The following PTPN3 variants were observed in gnomAD, a reference collection of about 807,000 sequenced individuals.
The protein encoded by PTPN3 is protein tyrosine phosphatase non-receptor type 3.
Under a neutral mutation model 132.7 loss-of-function variants are expected in PTPN3, and 96 were observed. The observed-to-expected ratio is 0.72, with a 90% CI of 0.61 to 0.86. The LOEUF is 0.86. Among genes scored for constraint, PTPN3 ranks in the 40% least tolerant of loss-of-function variants. PTPN3 has a pLI of 0.00. For missense variants in PTPN3, 1,125 were observed against 1,159.6 expected, an observed-to-expected ratio of 0.97 and a Z score of 0.43; for synonymous variants, 398 against 429.0, an observed-to-expected ratio of 0.93 and a Z score of 0.89.
At chr9:109,476,574 C>G (rs1259945635) in intron 1 of PTPN3, among the ~76,000 whole-genome samples, 1 of 152,102 alleles carries the variant, frequency 6.6e-6, no homozygotes, top group Non-Finnish European at 1.5e-5. Flanking sequence ...GTGACTGGAC[C>G]AAGAAGATCT....
At chr9:109,512,326 C>T in the PTPN3 span, among the ~76,000 whole-genome samples, 1 of 152,138 alleles carries the variant, frequency 6.6e-6, no homozygotes, top group African/African-American at 2.4e-5. Flanking sequence ...TGCAGCTGGT[C>T]CACAGATTGG....
intron 1 of PTPN3, among the ~76,000 whole-genome samples, chr9:109,467,872 T>C (rs1846177059): frequency 6.6e-6 from 1 of 152,154 alleles, no homozygotes; most frequent in African/African-American, 2.4e-5. Context: ...AGACTTCCCT[T>C]TCTCACACCC....
At position 109,438,231 on chromosome 9, in the gene PTPN3, T is replaced by C. The variant is rs1844200169; in HGVS notation, c.470A>G (p.His157Arg). ...VVLASYAVQS[H>R]FGDYNSSIHH... is the part of the protein sequence containing the mutation. ...TATGGAAGAATTATAGTCTCCAAAA[T>C]GAGCTATCAAGACAGAAGAAGGGGA... The change falls in exon 8 of 26, where the codon CAT becomes CGT. Residue 157 changes from histidine to arginine, a missense_variant. Coordinates refer to ENST00000374541, the MANE Select transcript of PTPN3 (RefSeq NM_002829.4). 1.9e-6 allele frequency: 3 copies of C among 1,612,282 alleles called. No homozygotes were observed. The highest frequency in any genetic ancestry group is 1.3e-5 in the African/African-American group (1 of 74,992).
chr9:109,532,569 GA>G, the PTPN3 span, among the ~76,000 whole-genome samples: 1 of 141,574 alleles, frequency 7.1e-6, no homozygotes, highest in African/African-American at 2.6e-5. Context: ...GGCGTATTGT[GA>G]AAAAAACAGG....
chr9:109,506,923 G>A, the PTPN3 span, among the ~76,000 whole-genome samples: 1 of 152,154 alleles, frequency 6.6e-6, no homozygotes, highest in African/African-American at 2.4e-5. Context: ...ACCATGTGAT[G>A]TATAACCTAT....
At chr9:109,446,827 T>C (rs535181499) in intron 6 of PTPN3, among the ~76,000 whole-genome samples, 4 of 152,354 alleles carry the variant, frequency 2.6e-5, no homozygotes, top group African/African-American at 9.6e-5. Context: ...AACACATCCC[T>C]TTCTTTCACC....
At chr9:109,397,120 C>T (rs1045229767) in intron 19 of PTPN3, among the ~76,000 whole-genome samples, 1 of 152,186 alleles carries the variant, frequency 6.6e-6, no homozygotes, top group Admixed American at 6.5e-5. Flanking sequence ...GGTAAGGAGA[C>T]AGCAAAGGCC....
the PTPN3 span, chr9:109,534,380 C>G: frequency 6.8e-7 from 1 of 1,468,996 alleles, no homozygotes; most frequent in Non-Finnish European, 9.0e-7. Context: ...TGCGGCTCCT[C>G]CCGGGGTGTG....
At chr9:109,391,319 C>T in intron 20 of PTPN3, 120 bp from the exon 21 acceptor site, 1 of 1,262,426 alleles carries the variant, frequency 7.9e-7, no homozygotes, top group Non-Finnish European at 1.1e-6. Context: ...AACACTATTC[C>T]CCAACTGTTC....
the PTPN3 span, among the ~76,000 whole-genome samples, chr9:109,518,029 C>T: frequency 6.6e-6 from 1 of 152,172 alleles, no homozygotes; most frequent in African/African-American, 2.4e-5. Context: ...TTTCTTTTCC[C>T]CTGCAGGCCT....
chr9:109,521,419 C>G, the PTPN3 span, among the ~76,000 whole-genome samples: 1 of 152,166 alleles, frequency 6.6e-6, no homozygotes, highest in Non-Finnish European at 1.5e-5. Flanking sequence ...CTCAGCCTCC[C>G]AAAGTGCTAG....
At chr9:109,532,552 C>A in the PTPN3 span, among the ~76,000 whole-genome samples, 1 of 149,074 alleles carries the variant, frequency 6.7e-6, no homozygotes, top group African/African-American at 2.5e-5. Flanking sequence ...ATTTAAAAAT[C>A]TTTAAAGGCG....
chr9:109,393,232 A>G (rs1840277623), intron 19 of PTPN3, among the ~76,000 whole-genome samples: 1 of 152,148 alleles, frequency 6.6e-6, no homozygotes, highest in Admixed American at 6.5e-5. Flanking sequence ...TTATTTACAC[A>G]TATGATCTTT....
chr9:109,428,573 ACACATACATATG>A (rs770470412), intron 11 of PTPN3, 36 bp downstream of exon 11: 1 of 1,582,176 alleles, frequency 6.3e-7, no homozygotes, highest in African/African-American at 1.3e-5. Flanking sequence ...CTCTAACCAC[ACACATACATATG>A]CACGAAACAA....
chr9:109,394,454 ATTT>A (rs11407022), intron 19 of PTPN3, among the ~76,000 whole-genome samples: 7 of 140,152 alleles, frequency 5.0e-5, no homozygotes, highest in East Asian at 2.1e-4. Flanking sequence ...CAGTGTTTAC[ATTT>A]TTTTTTTTTT....
At chr9:109,498,991 G>C (rs1397990781), upstream of PTPN3, among the ~76,000 whole-genome samples, 1 of 152,004 alleles carries the variant, frequency 6.6e-6, no homozygotes, top group African/African-American at 2.4e-5. This position sits in a 1 kb window ranked among gnomAD's most constrained non-coding sequence, Gnocchi z 4.2. Flanking sequence ...CTCTGCTCCT[G>C]ACCACTCCGT....
At chr9:109,522,448 C>T in the PTPN3 span, among the ~76,000 whole-genome samples, 9 of 152,276 alleles carry the variant, frequency 5.9e-5, no homozygotes, top group Non-Finnish European at 7.3e-5. Context: ...CCTGGAAGCA[C>T]GGCAAAAGCT....
At chr9:109,461,584 C>T (rs1056294689) in intron 2 of PTPN3, among the ~76,000 whole-genome samples, 3 of 151,898 alleles carry the variant, frequency 2.0e-5, no homozygotes, top group African/African-American at 4.8e-5. Flanking sequence ...AGTGAGACCT[C>T]GTTTCTACAA....
Position 109,454,588 on chromosome 9 carries a change from C to T in PTPN3, c.290-14G>A, listed in dbSNP as rs778837326. 8.1e-6 allele frequency: 13 copies of T among 1,600,584 alleles called. No individual in the cohort carries two copies. Among genetic ancestry groups the T allele is most frequent in the Non-Finnish European group, 1.1e-5 (13 of 1,169,432 alleles). Reference sequence around the variant, plus strand: ...AGGGGAAACCTCCTACAACATTTTTCAAAAACAAATTAAATTTTCCCTTTG... The same window carrying T: ...AGGGGAAACCTCCTACAACATTTTTTAAAAACAAATTAAATTTTCCCTTTG... On this transcript the variant is annotated splice_polypyrimidine_tract_variant and intron_variant, in intron 4 of 25. Coordinates refer to ENST00000374541, the MANE Select transcript of PTPN3 (RefSeq NM_002829.4).
Sources: gnomAD v4.1 joint callset for allele counts (sites outside exome capture counted in the v4.1 genomes callset) on GRCh38, gnomAD v4.1.1 for gene constraint, Gnocchi (gnomAD v3.1) non-coding constraint, MANE v1.5 for transcripts, NCBI Gene and HGNC (gene_info 2026-07-23, HGNC 2026-07-21) for gene names.